The following PLD1 variants were observed in gnomAD, a reference collection of about 807,000 sequenced individuals.
The protein encoded by PLD1 is choline phosphatase 1.
PLD1 carries 112 observed loss-of-function variants against 137.1 expected under a neutral mutation model. The ratio of observed to expected loss-of-function variants is 0.82; its 90% CI spans 0.70 to 0.96. PLD1 has a LOEUF of 0.96. Among genes scored for constraint, PLD1 ranks in the 40% least tolerant of loss-of-function variants. PLD1 has a pLI of 0.00. For missense variants in PLD1, 1,321 were observed against 1,342.0 expected (o/e 0.98, Z 0.24); for synonymous variants, 431 against 454.7 (o/e 0.95, Z 0.66).
At position 171,807,577 on chromosome 3, in the gene PLD1, A is replaced by T. The variant is rs563499099; in HGVS notation, c.-32+2822T>A. On this transcript the variant is annotated intron_variant, in intron 1 of 26. Transcript: ENST00000351298. The stretch of plus-strand genomic sequence containing the variant: ...AAAGTGAAATTATAAGAGAAAAAAA[A>T]TTTTTTAAAAAAACATCCTGTAAGA... Among the ~76,000 whole-genome samples, 17 of 152,284 alleles carry T rather than the reference A, an allele frequency of 1.1e-4. 1 individual carries two copies. Among genetic ancestry groups the T allele is most frequent in the South Asian group, 6.2e-4 (3 of 4,822 alleles).
chr3:171,616,725 G>T (rs775317098), intron 24 of PLD1, among the ~76,000 whole-genome samples: 3 of 152,128 alleles, frequency 2.0e-5, no homozygotes, highest in Non-Finnish European at 4.4e-5. Flanking sequence ...CTCCCTAACG[G>T]CCTCTAAAAG....
chr3:171,623,337 T>C (rs1425915942), intron 23 of PLD1, among the ~76,000 whole-genome samples: 1 of 145,608 alleles, frequency 6.9e-6, no homozygotes, highest in Non-Finnish European at 1.5e-5. Context: ...TTTTTTGAGA[T>C]GGAGTCTCGC....
At chr3:171,766,985 C>T (rs1722019442) in intron 1 of PLD1, among the ~76,000 whole-genome samples, 1 of 152,106 alleles carries the variant, frequency 6.6e-6, no homozygotes, top group African/African-American at 2.4e-5. Context: ...AAATATATGT[C>T]TCATAATCTT....
At chr3:171,721,460 C>G (rs6445019) in intron 8 of PLD1, 54,930 of 152,208 alleles carry the variant, frequency 0.36, 11,029 homozygotes, top group African/African-American at 0.52. Flanking sequence ...GGCTGGACTC[C>G]GATCAGTTCT....
chr3:171,656,101 G>T (rs575120883), intron 21 of PLD1, among the ~76,000 whole-genome samples: 1 of 152,036 alleles, frequency 6.6e-6, no homozygotes, highest in African/African-American at 2.4e-5. Context: ...AGATCACTAG[G>T]AAATGTTCTA....
intron 16 of PLD1, among the ~76,000 whole-genome samples, chr3:171,682,154 AAG>A (rs774459813): frequency 1.7e-5 from 1 of 59,886 alleles, no homozygotes; most frequent in African/African-American, 8.8e-5. Flanking sequence ...GAAAGAAAGA[AAG>A]AAAGAAAGAA....
At chr3:171,641,203 G>A (rs1432361601) in intron 23 of PLD1, among the ~76,000 whole-genome samples, 2 of 152,072 alleles carry the variant, frequency 1.3e-5, no homozygotes, top group African/African-American at 2.4e-5. Flanking sequence ...ATGGGTATAT[G>A]GCAAGTTAAA....
chr3:171,717,911 A>G (rs1717796042), intron 8 of PLD1, among the ~76,000 whole-genome samples: 1 of 152,174 alleles, frequency 6.6e-6, no homozygotes, highest in African/African-American at 2.4e-5. Context: ...TTCAATGTGT[A>G]GTTTATTGAG....
At chr3:171,783,779 A>G (rs1292952075) in intron 1 of PLD1, among the ~76,000 whole-genome samples, 1 of 152,060 alleles carries the variant, frequency 6.6e-6, no homozygotes, top group African/African-American at 2.4e-5. Context: ...AGTAGCTGGG[A>G]CTACAGGCAC....
chr3:171,614,401 A>T (rs143452449), intron 24 of PLD1, among the ~76,000 whole-genome samples: 20 of 152,330 alleles, frequency 1.3e-4, no homozygotes, highest in African/African-American at 4.6e-4. Context: ...CAGCTTTAAT[A>T]TAATCTTTCA....
chr3:171,766,682 T>C (rs1188586545), intron 1 of PLD1, among the ~76,000 whole-genome samples: 1 of 152,202 alleles, frequency 6.6e-6, no homozygotes, highest in Non-Finnish European at 1.5e-5. Flanking sequence ...TTAACATTTT[T>C]ATACTTAAAG....
intron 6 of PLD1, among the ~76,000 whole-genome samples, chr3:171,732,673 T>C (rs904230139): frequency 6.6e-6 from 1 of 152,198 alleles, no homozygotes; most frequent in African/African-American, 2.4e-5. Context: ...ATATATAATA[T>C]AGATGCATAC....
intron 1 of PLD1, among the ~76,000 whole-genome samples, chr3:171,749,682 G>A (rs950710374): frequency 4.6e-5 from 7 of 152,110 alleles, no homozygotes; most frequent in Admixed American, 6.5e-5. Flanking sequence ...ACTAAAACTC[G>A]GATAGAAAGT....
chr3:171,764,864 A>G (rs545656496), intron 1 of PLD1, among the ~76,000 whole-genome samples: 28 of 27,118 alleles, frequency 1.0e-3, no homozygotes, highest in African/African-American at 3.1e-3. Context: ...AGAAAGAAAG[A>G]AAGAAAGAAA....
At chr3:171,799,337 TAAAAAAAAAAAAAAA>T (rs758379833) in intron 1 of PLD1, among the ~76,000 whole-genome samples, 2 of 57,866 alleles carry the variant, frequency 3.5e-5, no homozygotes, top group Admixed American at 5.2e-4. Context: ...AGACTCCGTC[TAAAAAAAAAAAAAAA>T]AAAAAAAAAA....
intron 16 of PLD1, among the ~76,000 whole-genome samples, chr3:171,685,894 G>A (rs1190647535): frequency 6.6e-5 from 10 of 152,024 alleles, no homozygotes; most frequent in Non-Finnish European, 2.9e-5. Flanking sequence ...CAAGGCAGAC[G>A]GATCACTTGA....
intron 1 of PLD1, among the ~76,000 whole-genome samples, chr3:171,749,436 G>C (rs1301126435): frequency 6.6e-6 from 1 of 152,186 alleles, no homozygotes; most frequent in Non-Finnish European, 1.5e-5. Context: ...TCCCTGGGAA[G>C]AAACTACATG....
intron 26 of PLD1, among the ~76,000 whole-genome samples, chr3:171,604,270 T>C (rs1396154850): frequency 6.8e-6 from 1 of 146,318 alleles, no homozygotes; most frequent in Non-Finnish European, 1.5e-5. Context: ...GCCGAGATCA[T>C]GCCACTGCAC....
rs2108377979 is a variant in PLD1 at position 171,644,018 on chromosome 3, G to T, written c.2543+892C>A. On this transcript the variant is annotated intron_variant, in intron 22 of 26. Coordinates refer to ENST00000351298, the MANE Select transcript of PLD1 (RefSeq NM_002662.5). ...CCTCCAGCAGGAGCATCTGGCGAGG[G>T]GGCCCAAGCAGGAGGGCATCTAAGT... Among the ~76,000 whole-genome samples, 2 of 152,194 alleles carry T rather than the reference G, an allele frequency of 1.3e-5. 1 individual carries two copies. The highest frequency in any genetic ancestry group is 3.9e-4 in the East Asian group (2 of 5,166).
Sources: allele counts gnomAD v4.1 joint callset (sites outside exome capture counted in the v4.1 genomes callset), GRCh38; gene constraint gnomAD v4.1.1; transcripts MANE v1.5; gene names NCBI Gene and HGNC (gene_info 2026-07-23, HGNC 2026-07-21).